CACNA1A: variants seen among roughly 807,000 people sequenced by gnomAD.
CACNA1A encodes the protein calcium voltage-gated channel subunit alpha1 A.
CACNA1A carries 57 observed loss-of-function variants against 262.4 expected under a neutral mutation model. The ratio of observed to expected loss-of-function variants is 0.22; its 90% CI spans 0.18 to 0.27. CACNA1A has a LOEUF of 0.27. CACNA1A is among the 10% of genes least tolerant of loss of function. The pLI is 1.00. For synonymous variants in CACNA1A, 1,431 were observed against 1,419.3 expected (o/e 1.01, Z -0.18); for missense variants, 2,526 against 3,562.8 (o/e 0.71, Z 7.41).
chr19:13,357,819 CAT>C, intron 6 of CACNA1A, among the ~76,000 whole-genome samples: 1 of 152,024 alleles, frequency 6.6e-6, no homozygotes, highest in East Asian at 1.9e-4. Flanking sequence ...GCCTGGGAAA[CAT>C]AGTGAGACCC....
intron 19 of CACNA1A, among the ~76,000 whole-genome samples, chr19:13,290,546 G>T (rs2057509958): frequency 6.6e-6 from 1 of 151,912 alleles, no homozygotes; most frequent in Non-Finnish European, 1.5e-5. Flanking sequence ...TGGGTAGCTG[G>T]GATTGCAGGC....
rs1981775924 is a variant in CACNA1A, at chr19:13,497,519, AAAATATATATATATATATATATAT to A, written c.293+8389_293+8412del. Among the ~76,000 whole-genome samples the A allele has an allele frequency of 1.6e-3, 31 of 19,302 alleles. 4 individuals are homozygous for A. Among genetic ancestry groups the A allele is most frequent in the Non-Finnish European group, 2.5e-3 (28 of 11,278 alleles). 12.7% of individuals were successfully genotyped at this position (19,302 alleles called of 152,430 possible). On this transcript the variant is annotated intron_variant, in intron 1 of 46. Coordinates refer to ENST00000360228, the MANE Select transcript of CACNA1A (RefSeq NM_001127222.2). The stretch of plus-strand genomic sequence containing the variant: ...AAAAAAAAAAAAAAAAAAAAAAAAA[AAAATATATATATATATATATATAT>A]ATATATATATATATATATATATATA...
At chr19:13,372,344 T>G (rs1362150838) in intron 3 of CACNA1A, among the ~76,000 whole-genome samples, 1 of 152,060 alleles carries the variant, frequency 6.6e-6, no homozygotes, top group African/African-American at 2.4e-5. Flanking sequence ...TACTTTTTTT[T>G]GTATTTTTGT....
At chr19:13,342,683 T>G (rs1319594050) in intron 6 of CACNA1A, among the ~76,000 whole-genome samples, 1 of 152,190 alleles carries the variant, frequency 6.6e-6, no homozygotes, top group Non-Finnish European at 1.5e-5. Context: ...CATTGAACTT[T>G]CAGTGTGGGA....
rs199568697 is a variant in CACNA1A, at chr19:13,466,661, A to ACTGCTG, written c.294-11455_294-11450dup. Among the ~76,000 whole-genome samples, 5 of 122,654 alleles carry ACTGCTG rather than the reference A, an allele frequency of 4.1e-5. No individual in the cohort carries two copies. In the East Asian group the frequency reaches 4.3e-3, roughly 106 times the overall value. 80.5% of individuals were successfully genotyped at this position (122,654 alleles called of 152,430 possible). On this transcript the variant is annotated intron_variant, in intron 1 of 46. Transcript: ENST00000360228. ...CATCCGAGACTCTGTCTTTTAAAAT[A>ACTGCTG]CTGCTGCTGCTGCTGCTACTTTCTT... is the stretch of plus-strand genomic sequence containing the variant.
At chr19:13,317,941 G>T (rs751407740) in intron 10 of CACNA1A, among the ~76,000 whole-genome samples, 1 of 152,116 alleles carries the variant, frequency 6.6e-6, no homozygotes, top group Non-Finnish European at 1.5e-5. Flanking sequence ...GACAGTGGAC[G>T]TAATAAGTAA....
At position 13,236,025 on chromosome 19, in the gene CACNA1A, A is replaced by C. The variant is rs1249493042; in HGVS notation, c.4951-295T>G. ...GAAAAGAAAAGAAAAAGAAAGGAGG[A>C]AAAAGGAACGGGGATGGGGAAGAAA... On this transcript the variant is annotated intron_variant, in intron 31 of 46. Coordinates refer to ENST00000360228, the MANE Select transcript of CACNA1A (RefSeq NM_001127222.2). The surrounding 1 kb of genome is among the most constrained non-coding windows in gnomAD (Gnocchi z 4.6). 2.9e-6 allele frequency: 1 copy of C among 342,294 alleles called. No homozygotes were observed. The highest frequency in any genetic ancestry group is 4.6e-5 in the Admixed American group (1 of 21,720). 21.2% of individuals were successfully genotyped at this position (342,294 alleles called of 1,614,324 possible). A position where few individuals can be genotyped will look rare whatever the true frequency, so the allele number is the denominator to read the frequency against.
chr19:13,301,938 C>T (rs1031407954), intron 17 of CACNA1A, among the ~76,000 whole-genome samples: 14 of 151,908 alleles, frequency 9.2e-5, no homozygotes, highest in African/African-American at 3.4e-4. Context: ...GGTCTCTGGA[C>T]CATCTGCCTC....
chr19:13,207,582 C>T lies in CACNA1A; in HGVS notation c.7252G>A (p.Ala2418Thr). 6.8e-7 allele frequency: 1 copy of T among 1,479,570 alleles called. No individual in the cohort carries two copies. The highest frequency in any genetic ancestry group is 2.2e-5 in the Admixed American group (1 of 44,666). 91.7% of individuals were successfully genotyped at this position (1,479,570 alleles called of 1,614,324 possible). A position where few individuals can be genotyped will look rare whatever the true frequency, so the allele number is the denominator to read the frequency against. The change falls in exon 47 of 47, where the codon GCC (alanine) becomes ACC (threonine). Residue 2418 changes from alanine (A) to threonine (T), a missense_variant. By Grantham distance (58) the Ala-to-Thr change is moderately conservative. Coordinates refer to ENST00000360228, the MANE Select transcript of CACNA1A (RefSeq NM_001127222.2). The surrounding 1 kb of genome is among the most constrained non-coding windows in gnomAD (Gnocchi z 5.7). ...GYYRGSDYDE[A>T]DGPGSGGGEE... ...CCGCCCCCGCTGCCCGGGCCATCGGCCTCGTCGTAGTCGGAGCCCCGGTAG... is the reference window on the plus strand; with the variant it reads ...CCGCCCCCGCTGCCCGGGCCATCGGTCTCGTCGTAGTCGGAGCCCCGGTAG...
intron 38 of CACNA1A, among the ~76,000 whole-genome samples, chr19:13,217,198 G>C (rs576748257): frequency 2.0e-5 from 3 of 149,800 alleles, no homozygotes; most frequent in Non-Finnish European, 4.4e-5. Flanking sequence ...AGAGAGAACA[G>C]AGGGGTGGGT....
chr19:13,379,968 G>A (rs28548014), intron 3 of CACNA1A, among the ~76,000 whole-genome samples: 6 of 134,434 alleles, frequency 4.5e-5, no homozygotes, highest in African/African-American at 1.7e-4. Context: ...GCACTGCCCA[G>A]GAGAAATCTA....
In CACNA1A at chr19:13,371,414, G is replaced by A. The variant is rs140280239; in HGVS notation, c.631+274C>T. On this transcript the variant is annotated intron_variant, in intron 4 of 46. Transcript: ENST00000360228. ...AGTCCTATCAACTTCATAGGGCTGT[G>A]AGTACTGAATGAGATCACACGTGGT... 2.0e-5 allele frequency: 8 copies of A among 405,356 alleles called. No homozygotes were observed. The East Asian group carries it at 3.2e-4, about 16-fold the overall frequency. 25.1% of individuals were successfully genotyped at this position (405,356 alleles called of 1,614,324 possible). A position where few individuals can be genotyped will look rare whatever the true frequency, so the allele number is the denominator to read the frequency against.
At chr19:13,332,799 C>T in intron 9 of CACNA1A, 70 bp downstream of exon 9, 2 of 1,018,724 alleles carry the variant, frequency 2.0e-6, no homozygotes, top group Non-Finnish European at 3.1e-6. Flanking sequence ...CCTGCTCTCC[C>T]CCGACTCCCC....
chr19:13,502,187 G>A (rs1333634798), intron 1 of CACNA1A, among the ~76,000 whole-genome samples: 1 of 151,024 alleles, frequency 6.6e-6, no homozygotes, highest in Non-Finnish European at 1.5e-5. Context: ...AAAATGAGAG[G>A]AGTGCCAATC....
intron 19 of CACNA1A, 137 bp from the exon 20 acceptor site, chr19:13,287,103 G>A (rs2057419692): frequency 4.2e-6 from 3 of 713,606 alleles, no homozygotes; most frequent in South Asian, 2.2e-5. Flanking sequence ...TGTAATCCCA[G>A]CACTTTGGGA....
At chr19:13,276,100 C>A (rs888572252) in intron 23 of CACNA1A, 144 bp from the exon 24 acceptor site, 15 of 604,110 alleles carry the variant, frequency 2.5e-5, no homozygotes, top group Admixed American at 1.7e-4. Flanking sequence ...GGCCAGAGGA[C>A]TCCAGGGAGG....
chr19:13,281,966 T>A (rs1009724166), intron 22 of CACNA1A, among the ~76,000 whole-genome samples: 2 of 152,334 alleles, frequency 1.3e-5, no homozygotes, highest in Admixed American at 6.5e-5. Flanking sequence ...TTCTTCAGCA[T>A]CCTCGCGTCA....
chr19:13,208,748 G>C lies in CACNA1A; in HGVS notation c.6780+8C>G, dbSNP rs774169958. 6.4e-7 allele frequency: 1 copy of C among 1,568,202 alleles called. No individual in the cohort carries two copies. The highest frequency in any genetic ancestry group is 1.7e-5 in the Admixed American group (1 of 57,620). On this transcript the variant is annotated splice_region_variant and intron_variant, in intron 46 of 46. Transcript: ENST00000360228. ...GCCCAGCCTGGGGTCACTTGCAGCC[G>C]CACCCACCTGCCGGTGCGCCATGTG...
chr19:13,499,126 C>A (rs1982037231), intron 1 of CACNA1A, among the ~76,000 whole-genome samples: 1 of 151,972 alleles, frequency 6.6e-6, no homozygotes. Flanking sequence ...TTGCAGTGGA[C>A]ACCTGGGGTG....
Sources: allele counts gnomAD v4.1 joint callset (sites outside exome capture counted in the v4.1 genomes callset), GRCh38; gene constraint gnomAD v4.1.1; non-coding constraint Gnocchi (gnomAD v3.1); transcripts MANE v1.5; gene names NCBI Gene and HGNC (gene_info 2026-07-23, HGNC 2026-07-21).